PIK3R3: variants seen among roughly 807,000 people sequenced by gnomAD.
The protein encoded by PIK3R3 is phosphoinositide-3-kinase regulatory subunit 3.
In PIK3R3, 64 loss-of-function variants were observed where a neutral mutation model predicts 62.9. The observed-to-expected ratio is 1.02, with a 90% CI of 0.83 to 1.25. The LOEUF (loss-of-function observed/expected upper bound fraction) is 1.25. Ranked by LOEUF, PIK3R3 falls within the 50% of genes most tolerant of loss-of-function variation. PIK3R3 has a pLI of 0.00. For missense variants in PIK3R3, 614 were observed against 561.6 expected (o/e 1.09, Z -0.94); for synonymous variants, 165 against 189.0 (o/e 0.87, Z 1.04).
chr1:46,061,721 G>A (rs376162146), intron 6 of PIK3R3, among the ~76,000 whole-genome samples: 1 of 152,170 alleles, frequency 6.6e-6, no homozygotes, highest in East Asian at 1.9e-4. Context: ...AAGTCCTAAC[G>A]GATAAGCAGG....
At chr1:46,087,170 A>C (rs1185923575) in intron 1 of PIK3R3, among the ~76,000 whole-genome samples, 1 of 152,168 alleles carries the variant, frequency 6.6e-6, no homozygotes, top group Non-Finnish European at 1.5e-5. Context: ...AATGTAAATG[A>C]CAAGTTGATG....
At chr1:46,142,358 T>C in the PIK3R3 span, among the ~76,000 whole-genome samples, 8 of 152,110 alleles carry the variant, frequency 5.3e-5, no homozygotes, top group Non-Finnish European at 8.8e-5. Context: ...GAAGAAAACA[T>C]GTACAAAACC....
In PIK3R3 at chr1:46,061,960, G is replaced by A. The variant is rs569257270; in HGVS notation, c.733C>T (p.Arg245Cys). 17 of 1,613,322 alleles carry A rather than the reference G, an allele frequency of 1.1e-5. No homozygotes were observed. Among genetic ancestry groups the A allele is most frequent in the Middle Eastern group, 1.7e-4 (1 of 6,060 alleles). The stretch of plus-strand genomic sequence containing the variant: ...ATCTCCTTTTCATTCCCCTCTCTGC[G>A]AAATCGCTCAATATATTCTTTGCTA... ...QHSKEYIERF[R>C]REGNEKEIER... The change falls in exon 6 of 10, where the codon CGC (arginine) becomes TGC (cysteine). Residue 245 changes from arginine (R) to cysteine (C), a missense_variant. Transcript: ENST00000262741.
chr1:46,058,562 G>A (rs785463), intron 6 of PIK3R3, among the ~76,000 whole-genome samples: 108,837 of 152,130 alleles, frequency 0.72, 39,074 homozygotes, highest in African/African-American at 0.75. Context: ...CATCTCTTGC[G>A]TCAGCATGTC....
At chr1:46,071,766 G>A (rs999892308) in intron 3 of PIK3R3, among the ~76,000 whole-genome samples, 15 of 134,572 alleles carry the variant, frequency 1.1e-4, no homozygotes, top group Admixed American at 1.6e-4. Context: ...GAGAGCGCGC[G>A]CCTGATCACA....
rs772469066 is a variant in PIK3R3 at position 46,132,393 on chromosome 1, A to C, written c.-441T>G. On this transcript the variant is annotated 5_prime_UTR_variant, in exon 1 of 10. Coordinates refer to ENST00000262741, the MANE Select transcript of PIK3R3 (RefSeq NM_003629.4). ...GAGAAACCCGGGCAAGTGACAAAGGAAGGCAAAAAAGGGGGCTGGAGATTG... is the reference window on the plus strand; with the variant it reads ...GAGAAACCCGGGCAAGTGACAAAGGCAGGCAAAAAAGGGGGCTGGAGATTG... 4.6e-5 allele frequency: 52 copies of C among 1,126,016 alleles called. No individual in the cohort carries two copies. Among genetic ancestry groups the C allele is most frequent in the Non-Finnish European group, 5.4e-5 (49 of 910,728 alleles). 69.8% of individuals were successfully genotyped at this position (1,126,016 alleles called of 1,614,324 possible). A position where few individuals can be genotyped will look rare whatever the true frequency, so the allele number is the denominator to read the frequency against.
chr1:46,140,419 T>C, the PIK3R3 span, among the ~76,000 whole-genome samples: 2 of 152,048 alleles, frequency 1.3e-5, no homozygotes, highest in Admixed American at 6.5e-5. Context: ...AGCTGAATAG[T>C]GATACCCAAA....
At chr1:46,126,401 G>T (rs1254938707) in intron 1 of PIK3R3, among the ~76,000 whole-genome samples, 2 of 151,958 alleles carry the variant, frequency 1.3e-5, no homozygotes, top group African/African-American at 4.8e-5. Context: ...AGCCAGGCAT[G>T]GTGGTAGGCA....
chr1:46,073,618 G>A (rs554788865), intron 3 of PIK3R3, among the ~76,000 whole-genome samples: 11 of 151,752 alleles, frequency 7.2e-5, no homozygotes, highest in South Asian at 2.1e-4. Context: ...CAAATAAACC[G>A]TTGCCTTTCT....
intron 8 of PIK3R3, 73 bp from the exon 9 acceptor site, chr1:46,046,161 TC>T: frequency 1.1e-6 from 1 of 882,660 alleles, no homozygotes; most frequent in South Asian, 1.7e-5. Context: ...AATAAAACAC[TC>T]TTCTAAATCT....
In PIK3R3 at chr1:46,131,867, T is replaced by C; in HGVS notation, c.86A>G (p.Tyr29Cys). ...AGTACCTGGAGGATCCATTTCAATATAAAATATCAGTTCTGTCGAATAGGG... is the reference window on the plus strand; with the variant it reads ...AGTACCTGGAGGATCCATTTCAATACAAAATATCAGTTCTGTCGAATAGGG... ...MMPYSTELIF[Y>C]IEMDPPALPP... The change falls in exon 1 of 10, where the codon TAT becomes TGT. Residue 29 changes from tyrosine (Y) to cysteine (C), a missense_variant. Transcript: ENST00000262741. The C allele has an allele frequency of 1.9e-6, 3 of 1,612,802 alleles. No individual in the cohort carries two copies. Among genetic ancestry groups the C allele is most frequent in the Non-Finnish European group, 2.5e-6 (3 of 1,179,194 alleles).
chr1:46,131,378 C>A (rs1655565993), intron 1 of PIK3R3, among the ~76,000 whole-genome samples: 1 of 152,004 alleles, frequency 6.6e-6, no homozygotes, highest in Non-Finnish European at 1.5e-5. Context: ...AGAAGTTAAC[C>A]GGGGTAAAAC....
intron 6 of PIK3R3, among the ~76,000 whole-genome samples, chr1:46,061,185 G>A (rs1186616817): frequency 6.6e-6 from 1 of 152,136 alleles, no homozygotes; most frequent in Non-Finnish European, 1.5e-5. Context: ...CTCTCCTCAT[G>A]TACTTCTTAT....
chr1:46,105,735 C>T (rs1441204782), intron 1 of PIK3R3, among the ~76,000 whole-genome samples: 2 of 147,494 alleles, frequency 1.4e-5, no homozygotes, highest in Non-Finnish European at 3.0e-5. Flanking sequence ...GCATGAGAAT[C>T]GCTTGAACCC....
upstream of PIK3R3, among the ~76,000 whole-genome samples, chr1:46,137,027 G>GGAAGGCTGTATTTTTATTCTCATTTTACA (rs1192053556): frequency 1.6e-3 from 245 of 152,282 alleles, 2 homozygotes; most frequent in Admixed American, 2.9e-3. Context: ...ACCCTGGGGT[G>GGAAGGCTGTATTTTTATTCTCATTTTACA]GAAGGCTGTA....
chr1:46,131,616 A>AAC, intron 1 of PIK3R3: 1 of 131,740 alleles, frequency 7.6e-6, no homozygotes, highest in Non-Finnish European at 1.5e-5. Context: ...CTCTCCTCCC[A>AAC]CCCCCACTTC....
At chr1:46,133,930 A>C (rs1220918204), upstream of PIK3R3, among the ~76,000 whole-genome samples, 1 of 152,206 alleles carries the variant, frequency 6.6e-6, no homozygotes, top group African/African-American at 2.4e-5. Flanking sequence ...TCTTCCTCAC[A>C]TACTCATTCC....
At chr1:46,096,835 T>A (rs1652176886) in intron 1 of PIK3R3, among the ~76,000 whole-genome samples, 1 of 145,810 alleles carries the variant, frequency 6.9e-6, no homozygotes. Flanking sequence ...AGCGAGACTC[T>A]GTCTTAAAAA....
chr1:46,122,447 G>A (rs1654758314), intron 1 of PIK3R3, among the ~76,000 whole-genome samples: 2 of 152,182 alleles, frequency 1.3e-5, no homozygotes, highest in South Asian at 4.1e-4. Flanking sequence ...TCAGCTTGCT[G>A]CAACCTCTGC....
Sources: allele counts gnomAD v4.1 joint callset (sites outside exome capture counted in the v4.1 genomes callset), GRCh38; gene constraint gnomAD v4.1.1; transcripts MANE v1.5; gene names NCBI Gene and HGNC (gene_info 2026-07-23, HGNC 2026-07-21).